STOX2: variants seen among roughly 807,000 people sequenced by gnomAD.
STOX2 encodes the protein storkhead box 2, also known as storkhead-box protein 2.
In STOX2, 28 loss-of-function variants were observed where a neutral mutation model predicts 60.9. The observed-to-expected ratio is 0.46, with a 90% CI of 0.34 to 0.63. The LOEUF is 0.63. STOX2 is among the 30% of genes least tolerant of loss of function. The probability of loss-of-function intolerance (pLI) is 0.01; values close to 1 mark genes in which losing one functional copy is unlikely to be tolerated. For missense variants in STOX2, 1,024 were observed against 1,187.7 expected (o/e 0.86, Z 2.03); for synonymous variants, 472 against 463.9 (o/e 1.02, Z -0.22).
At position 184,018,773 on chromosome 4, in the gene STOX2, T is replaced by C. The variant is rs1734471448; in HGVS notation, c.*1489T>C. ...TTATAGCAAGGAGACATTCCAACGT[T>C]CCCATGTTTTATTTTCTGAGAACAG... On this transcript the variant is annotated 3_prime_UTR_variant, in exon 4 of 4. Coordinates refer to ENST00000308497, the MANE Select transcript of STOX2 (RefSeq NM_020225.3). 1 of 152,162 alleles carries C rather than the reference T, an allele frequency of 6.6e-6. No individual in the cohort carries two copies. The highest frequency in any genetic ancestry group is 6.5e-5 in the Admixed American group (1 of 15,272). 9.4% of individuals were successfully genotyped at this position (152,162 alleles called of 1,614,324 possible).
At chr4:183,946,236 C>A (rs965613920) in intron 1 of STOX2, among the ~76,000 whole-genome samples, 2 of 152,134 alleles carry the variant, frequency 1.3e-5, no homozygotes, top group East Asian at 1.9e-4. Context: ...TCATTTCAAG[C>A]GTTTATTTGC....
chr4:183,860,832 AG>A (rs1204448545), intron 1 of STOX2, among the ~76,000 whole-genome samples: 1 of 152,220 alleles, frequency 6.6e-6, no homozygotes, highest in Admixed American at 6.5e-5. Flanking sequence ...GACACACGGA[AG>A]GAAAAGCAAA....
At position 183,856,744 on chromosome 4, in the gene STOX2, G is replaced by A. The variant is rs1740294755; in HGVS notation, c.364+58689G>A. 6.6e-6 allele frequency among the ~76,000 whole-genome samples: 1 copy of A among 152,220 alleles called. No homozygotes were observed. Among genetic ancestry groups the A allele is most frequent in the Non-Finnish European group, 1.5e-5 (1 of 68,038 alleles). On this transcript the variant is annotated intron_variant, in intron 1 of 2. Coordinates refer to the STOX2 transcript ENST00000513034. The surrounding 1 kb of genome is among the most constrained non-coding windows in gnomAD (Gnocchi z 4.0). ...AGAAGAAGGGAAGGGAGATGTGAAA[G>A]TGCTACTTTAAAAATAGTCTTTTTT...
chr4:183,847,067 A>G (rs1389799052), intron 1 of STOX2, among the ~76,000 whole-genome samples: 1 of 152,240 alleles, frequency 6.6e-6, no homozygotes, highest in East Asian at 1.9e-4. Context: ...TGGAACAAAA[A>G]CAGAAAAAAG....
intron 1 of STOX2, among the ~76,000 whole-genome samples, chr4:183,823,791 T>C (rs1412509784): frequency 1.3e-5 from 2 of 152,266 alleles, no homozygotes; most frequent in Non-Finnish European, 2.9e-5. Flanking sequence ...TTCACAACTT[T>C]CCTGGCGTTT....
chr4:183,850,039 C>A (rs1327062675), intron 1 of STOX2, among the ~76,000 whole-genome samples: 3 of 152,036 alleles, frequency 2.0e-5, no homozygotes, highest in Non-Finnish European at 2.9e-5. Context: ...TCTTGGCTCA[C>A]CATAACCTCC....
intron 1 of STOX2, among the ~76,000 whole-genome samples, chr4:183,846,301 G>A (rs1739988573): frequency 6.6e-6 from 1 of 152,144 alleles, no homozygotes; most frequent in Non-Finnish European, 1.5e-5. Context: ...CATGCTTGGA[G>A]TTTGTTGAGT....
intron 1 of STOX2, among the ~76,000 whole-genome samples, chr4:183,945,449 A>C (rs1266425308): frequency 6.6e-6 from 1 of 152,180 alleles, no homozygotes; most frequent in African/African-American, 2.4e-5. Context: ...TCTAATCATA[A>C]GTAATTTTGT....
At chr4:183,862,686 C>T (rs948881860) in intron 1 of STOX2, among the ~76,000 whole-genome samples, 5 of 152,214 alleles carry the variant, frequency 3.3e-5, no homozygotes, top group African/African-American at 1.2e-4. Context: ...AGGGTTTACA[C>T]CCTGAGGGCT....
At chr4:183,921,672 A>G (rs187355083) in intron 1 of STOX2, among the ~76,000 whole-genome samples, 84 of 152,356 alleles carry the variant, frequency 5.5e-4, no homozygotes, top group Non-Finnish European at 9.1e-4. Flanking sequence ...AATATAATAC[A>G]AATAAAGGAA....
chr4:183,860,583 G>A (rs1478726855), intron 1 of STOX2, among the ~76,000 whole-genome samples: 1 of 152,136 alleles, frequency 6.6e-6, no homozygotes, highest in Non-Finnish European at 1.5e-5. Flanking sequence ...ATCGGGACTT[G>A]TAAAGAAAAT....
chr4:183,847,392 G>A (rs1180187683), intron 1 of STOX2, among the ~76,000 whole-genome samples: 2 of 152,118 alleles, frequency 1.3e-5, no homozygotes, highest in Non-Finnish European at 2.9e-5. Flanking sequence ...CTTTGCCCCA[G>A]GTGTCAGCAA....
chr4:183,916,816 C>T (rs1208788946), intron 1 of STOX2, among the ~76,000 whole-genome samples: 1 of 152,174 alleles, frequency 6.6e-6, no homozygotes, highest in Admixed American at 6.5e-5. Flanking sequence ...CCTACGGTGA[C>T]CTTTCCAGAA....
At chr4:183,857,577 A>G (rs1410337022) in intron 1 of STOX2, among the ~76,000 whole-genome samples, 2 of 152,176 alleles carry the variant, frequency 1.3e-5, no homozygotes, top group Non-Finnish European at 2.9e-5. Context: ...CCTCTTCTCC[A>G]CATAACTTAA....
intron 1 of STOX2, among the ~76,000 whole-genome samples, chr4:183,970,175 T>G (rs1743700255): frequency 6.7e-6 from 1 of 148,646 alleles, no homozygotes; most frequent in African/African-American, 2.5e-5. Flanking sequence ...TGTGTGTGTG[T>G]GTGTGTGGGG....
intron 1 of STOX2, among the ~76,000 whole-genome samples, chr4:183,852,538 AAAGGATGAGG>A (rs1740178127): frequency 6.7e-6 from 1 of 150,052 alleles, no homozygotes; most frequent in African/African-American, 2.5e-5. Context: ...AGGATGAGGG[AAAGGATGAGG>A]GAAAGGATGA....
chr4:183,871,682 T>C (rs903017065), intron 1 of STOX2, among the ~76,000 whole-genome samples: 2 of 152,182 alleles, frequency 1.3e-5, no homozygotes, highest in African/African-American at 4.8e-5. Flanking sequence ...TTTTTTACTT[T>C]GTGTAAGTAT....
chr4:183,826,074 C>A (rs1739424656), intron 1 of STOX2, among the ~76,000 whole-genome samples: 2 of 152,060 alleles, frequency 1.3e-5, no homozygotes, highest in South Asian at 4.2e-4. Flanking sequence ...ACACAGACTC[C>A]TGGGCCCCAC....
chr4:183,866,538 G>A (rs1740571936), intron 1 of STOX2, among the ~76,000 whole-genome samples: 1 of 152,060 alleles, frequency 6.6e-6, no homozygotes, highest in Non-Finnish European at 1.5e-5. Flanking sequence ...GAGGGGGAGG[G>A]GCTGGGATAT....
Sources: allele counts gnomAD v4.1 joint callset (sites outside exome capture counted in the v4.1 genomes callset), GRCh38; gene constraint gnomAD v4.1.1; non-coding constraint Gnocchi (gnomAD v3.1); transcripts MANE v1.5; gene names NCBI Gene and HGNC (gene_info 2026-07-23, HGNC 2026-07-21).